The following TBC1D16 variants were observed in gnomAD, a reference collection of about 807,000 sequenced individuals.
TBC1D16 encodes the protein CTD-2529O21.1.
A neutral mutation model predicts 74.7 loss-of-function variants in TBC1D16; 58 were observed. The ratio of observed to expected loss-of-function variants is 0.78; its 90% CI spans 0.63 to 0.97. The LOEUF (loss-of-function observed/expected upper bound fraction) is 0.97, where lower values mean the gene tolerates loss of function less well. TBC1D16 is among the 50% of genes least tolerant of loss of function. TBC1D16 has a pLI of 0.00. For synonymous variants in TBC1D16, 493 were observed against 474.7 expected (o/e 1.04, Z -0.50); for missense variants, 1,014 against 1,079.5 (o/e 0.94, Z 0.85).
intron 3 of TBC1D16, chr17:79,992,220 C>A: frequency 6.6e-6 from 1 of 152,608 alleles, no homozygotes; most frequent in Non-Finnish European, 1.5e-5. Context: ...CCCGCTGGGC[C>A]CCTGACCCCA....
chr17:79,982,259 G>A (rs772852158), intron 3 of TBC1D16, among the ~76,000 whole-genome samples: 1 of 150,260 alleles, frequency 6.7e-6, no homozygotes, highest in Non-Finnish European at 1.5e-5. Context: ...CAATTCTCCT[G>A]CCTCAGCCTC....
rs1440017892 is a variant in TBC1D16, at chr17:79,986,489, G to A, written c.779+23671C>T. On this transcript the variant is annotated intron_variant, in intron 3 of 11. Transcript: ENST00000310924. The surrounding 1 kb of genome is among the most constrained non-coding windows in gnomAD (Gnocchi z 6.0). Reference sequence around the variant, plus strand: ...GATTATTTTTGGAGGGCCCCTCCCTGCAGAGCAACCACGTGAGGACTCCCT... The same window carrying A: ...GATTATTTTTGGAGGGCCCCTCCCTACAGAGCAACCACGTGAGGACTCCCT... 2.0e-5 allele frequency among the ~76,000 whole-genome samples: 3 copies of A among 152,144 alleles called. No homozygotes were observed. The highest frequency in any genetic ancestry group is 4.4e-5 in the Non-Finnish European group (3 of 68,014).
intron 1 of TBC1D16, among the ~76,000 whole-genome samples, chr17:80,030,946 G>A (rs1226731254): frequency 7.9e-5 from 12 of 152,240 alleles, no homozygotes; most frequent in Non-Finnish European, 1.8e-4. Context: ...AAAGAACAGG[G>A]AAACAGCGAC....
chr17:79,950,974 C>G lies in TBC1D16; in HGVS notation c.1090-396G>C, dbSNP rs766313494. 6.9e-5 allele frequency: 62 copies of G among 902,842 alleles called. 1 individual carries two copies. The highest frequency in any genetic ancestry group is 9.2e-5 in the Non-Finnish European group (57 of 621,788). 55.9% of individuals were successfully genotyped at this position (902,842 alleles called of 1,614,324 possible). On this transcript the variant is annotated intron_variant, in intron 5 of 11. Coordinates refer to ENST00000310924, the MANE Select transcript of TBC1D16 (RefSeq NM_019020.4). This position sits in a 1 kb window ranked among gnomAD's most constrained non-coding sequence, Gnocchi z 4.6. Reference sequence around the variant, plus strand: ...AGGGAGCCAGCCTGTCAGATTGCCTCCGCGAGCAGTCACGAATCCAGGGCA... The same window carrying G: ...AGGGAGCCAGCCTGTCAGATTGCCTGCGCGAGCAGTCACGAATCCAGGGCA...
intron 3 of TBC1D16, among the ~76,000 whole-genome samples, chr17:79,955,219 C>T (rs1030607305): frequency 6.6e-6 from 1 of 152,110 alleles, no homozygotes; most frequent in Non-Finnish European, 1.5e-5. Flanking sequence ...CAAACTAGAG[C>T]GAAGGTGATG....
rs2034580581 is a variant in TBC1D16 at position 79,981,551 on chromosome 17, CAT to C, written c.779+28607_779+28608del. Reference sequence around the variant, plus strand: ...CACCAGGTGAACAAGCACGCAGAGACATATTCAAGATCGTCGGTGATAAAGAA... The same window carrying C: ...CACCAGGTGAACAAGCACGCAGAGACATTCAAGATCGTCGGTGATAAAGAA... On this transcript the variant is annotated intron_variant, in intron 3 of 11. Coordinates refer to ENST00000310924, the MANE Select transcript of TBC1D16 (RefSeq NM_019020.4). The surrounding 1 kb of genome is among the most constrained non-coding windows in gnomAD (Gnocchi z 6.9). Among the ~76,000 whole-genome samples the C allele has an allele frequency of 5.3e-5, 8 of 152,326 alleles. No individual in the cohort carries two copies. Among genetic ancestry groups the C allele is most frequent in the Admixed American group, 4.6e-4 (7 of 15,314 alleles).
intron 3 of TBC1D16, among the ~76,000 whole-genome samples, chr17:79,989,203 G>A (rs943096998): frequency 6.6e-6 from 1 of 152,156 alleles, no homozygotes; most frequent in Admixed American, 6.5e-5. Flanking sequence ...CCCCACATTC[G>A]ATGAAAACAA....
At chr17:79,968,950 TA>T (rs1241231724) in intron 3 of TBC1D16, among the ~76,000 whole-genome samples, 1 of 151,532 alleles carries the variant, frequency 6.6e-6, no homozygotes, top group Non-Finnish European at 1.5e-5. Flanking sequence ...AAATATTTTT[TA>T]AAAACACTTA....
At chr17:79,965,302 T>C (rs2033795592) in intron 3 of TBC1D16, among the ~76,000 whole-genome samples, 1 of 151,990 alleles carries the variant, frequency 6.6e-6, no homozygotes, top group Admixed American at 6.6e-5. Context: ...GGCTGGTCTT[T>C]AACTCCTGAC....
chr17:79,949,893 G>T, intron 6 of TBC1D16, 28 bp from the exon 7 acceptor site: 2 of 1,604,598 alleles, frequency 1.2e-6, no homozygotes, highest in East Asian at 2.2e-5. Flanking sequence ...AGTTGGGGAG[G>T]GGATAAAATG....
chr17:79,949,479 G>A (rs1177226108), intron 7 of TBC1D16, among the ~76,000 whole-genome samples: 1 of 152,220 alleles, frequency 6.6e-6, no homozygotes, highest in African/African-American at 2.4e-5. Flanking sequence ...TGTTGAACGA[G>A]AATTCTAAAA....
intron 8 of TBC1D16, 49 bp from the exon 9 acceptor site, chr17:79,947,880 C>A: frequency 6.6e-7 from 1 of 1,522,032 alleles, no homozygotes; most frequent in Non-Finnish European, 9.0e-7. Flanking sequence ...CTCACCGCGG[C>A]ACACTGCCCA....
At chr17:79,991,435 G>A (rs367780598) in intron 3 of TBC1D16, among the ~76,000 whole-genome samples, 1 of 152,196 alleles carries the variant, frequency 6.6e-6, no homozygotes, top group East Asian at 1.9e-4. Context: ...CCAGAGAAGA[G>A]GCGGAAAGTC....
rs540988659 is a variant in TBC1D16, at chr17:79,971,296, T to C, written c.780-18478A>G. On this transcript the variant is annotated intron_variant, in intron 3 of 11. Transcript: ENST00000310924. The surrounding 1 kb of genome is among the most constrained non-coding windows in gnomAD (Gnocchi z 4.6). Reference sequence around the variant, plus strand: ...CTTCGGCCTCCCAAAGTGCTGGCATTACAGGTGTGAGGCACCGCACCCGGC... The same window carrying C: ...CTTCGGCCTCCCAAAGTGCTGGCATCACAGGTGTGAGGCACCGCACCCGGC... 6.6e-6 allele frequency among the ~76,000 whole-genome samples: 1 copy of C among 152,340 alleles called. No individual in the cohort carries two copies. Among genetic ancestry groups the C allele is most frequent in the East Asian group, 1.9e-4 (1 of 5,174 alleles).
chr17:79,992,928 C>A (rs1433666898), intron 3 of TBC1D16: 3 of 152,306 alleles, frequency 2.0e-5, no homozygotes, highest in Non-Finnish European at 4.4e-5. Context: ...CCCCATTGTC[C>A]ATGTAACCCC....
intron 1 of TBC1D16, among the ~76,000 whole-genome samples, chr17:80,015,433 CAAA>C (rs917591452): frequency 6.6e-6 from 1 of 151,400 alleles, no homozygotes; most frequent in Non-Finnish European, 1.5e-5. Flanking sequence ...GACTCCGTCT[CAAA>C]AAAATAAAAT....
At chr17:79,973,385 T>C (rs2034194699) in intron 3 of TBC1D16, among the ~76,000 whole-genome samples, 1 of 151,810 alleles carries the variant, frequency 6.6e-6, no homozygotes, top group Admixed American at 6.6e-5. Flanking sequence ...CCAGCCTGGG[T>C]AACACAGTTA....
intron 1 of TBC1D16, among the ~76,000 whole-genome samples, chr17:80,023,665 C>CTG (rs1484257196): frequency 1.4e-5 from 2 of 142,754 alleles, no homozygotes. Context: ...GGGCCCCCCC[C>CTG]CACCGGCTCA....
chr17:80,013,443 T>G lies in TBC1D16; in HGVS notation c.105A>C (p.Gly35=). The G allele has an allele frequency of 6.2e-7, 1 of 1,605,090 alleles. No homozygotes were observed. ...CATTGTTCTTGGAGTAGATGATCTCTCCATCCAGGACAGAGGGGGACCCGC... is the reference window on the plus strand; with the variant it reads ...CATTGTTCTTGGAGTAGATGATCTCGCCATCCAGGACAGAGGGGGACCCGC... ...SGSGSPSVLD[G]EIIYSKNNVC... Residue 35 remains glycine (G), a synonymous_variant, in exon 2 of 12, where the codon GGA becomes GGC. Transcript: ENST00000310924.
Sources: allele counts gnomAD v4.1 joint callset (sites outside exome capture counted in the v4.1 genomes callset), GRCh38; gene constraint gnomAD v4.1.1; non-coding constraint Gnocchi (gnomAD v3.1); transcripts MANE v1.5; gene names NCBI Gene and HGNC (gene_info 2026-07-23, HGNC 2026-07-21).